Variants in F9 observed in about 807,000 individuals in gnomAD.
F9 encodes Christmas factor.
Under a neutral mutation model 34.1 loss-of-function variants are expected in F9, and 2 were observed. That is an observed-to-expected ratio of 0.06 (90% confidence interval 0.02 to 0.18). The LOEUF (loss-of-function observed/expected upper bound fraction) is 0.18, where lower values mean the gene tolerates loss of function less well. F9 is among the 10% of genes least tolerant of loss of function. The pLI is 1.00. For missense variants in F9, 216 were observed against 345.1 expected, an observed-to-expected ratio of 0.63 and a Z score of 2.96; for synonymous variants, 137 against 118.8, an observed-to-expected ratio of 1.15 and a Z score of -1.00.
At position 139,562,416 on chromosome X, in the gene F9, C is replaced by T. The variant is rs1193134067; in HGVS notation, c.*345C>T. On this transcript the variant is annotated 3_prime_UTR_variant, in exon 8 of 8. Transcript: ENST00000218099. ...CCTCCTTAGCAGCATTCCATCTTCC[C>T]GATCTTCTTTGCTTCTCCAACCAAA... is the stretch of plus-strand genomic sequence containing the variant. The T allele has an allele frequency of 2.5e-5, 6 of 241,755 alleles. No individual in the cohort carries two copies. The highest frequency in any genetic ancestry group is 2.0e-4 in the East Asian group (2 of 9,770). The allele number at this position is 241,755 out of a possible 1,213,427, so 19.9% of individuals were successfully genotyped here.
At chrX:139,557,242 A>T (rs748825528) in intron 6 of F9, among the ~76,000 whole-genome samples, 3 of 111,830 alleles carry the variant, frequency 2.7e-5, no homozygotes, top group Non-Finnish European at 5.6e-5. Flanking sequence ...GTCTTTAAGA[A>T]CTTGTCCTTG....
chrX:139,545,704 AAAGAC>A (rs1402024243), intron 4 of F9, among the ~76,000 whole-genome samples: 2 of 111,525 alleles, frequency 1.8e-5, no homozygotes, highest in Non-Finnish European at 3.8e-5. Flanking sequence ...AATCATTTCA[AAAGAC>A]AAGAGATTTT....
At chrX:139,547,406 C>G (rs1204966282) in intron 4 of F9, 2 of 111,407 alleles carry the variant, frequency 1.8e-5, no homozygotes, top group Non-Finnish European at 3.8e-5. Flanking sequence ...GCAAAAGACA[C>G]TACTTCGACT....
chrX:139,540,729 C>A (rs987610165), intron 3 of F9, among the ~76,000 whole-genome samples: 1 of 111,806 alleles, frequency 8.9e-6, no homozygotes, highest in Non-Finnish European at 1.9e-5. Flanking sequence ...ATTAACTCTG[C>A]CATCATTCTA....
At chrX:139,558,334 C>T (rs1476587613) in intron 6 of F9, among the ~76,000 whole-genome samples, 6 of 113,422 alleles carry the variant, frequency 5.3e-5, no homozygotes, top group African/African-American at 1.9e-4. Context: ...ACCTTGATTG[C>T]CACAGTAGGC....
intron 6 of F9, among the ~76,000 whole-genome samples, chrX:139,559,910 C>T (rs1251785589): frequency 8.9e-6 from 1 of 112,397 alleles, no homozygotes; most frequent in African/African-American, 3.2e-5. Context: ...ACAACTGGAA[C>T]TGAAATCCTC....
At chrX:139,557,039 G>A (rs1424950665) in intron 6 of F9, among the ~76,000 whole-genome samples, 1 of 112,331 alleles carries the variant, frequency 8.9e-6, no homozygotes, top group East Asian at 2.8e-4. Context: ...TCAATGAAGA[G>A]CATAAATTCA....
chrX:139,535,965 C>G (rs1431507820), intron 1 of F9, among the ~76,000 whole-genome samples: 3 of 110,057 alleles, frequency 2.7e-5, no homozygotes, highest in African/African-American at 9.9e-5. Flanking sequence ...TGTGACTGTA[C>G]TGAACACTGT....
In F9 at chrX:139,537,035, C is replaced by T. The variant is rs745353370; in HGVS notation, c.114C>T (p.Asn38=). The change falls in exon 2 of 8, where the codon AAC becomes AAT. Residue 38 remains asparagine (N), a synonymous_variant. Transcript: ENST00000218099. The stretch of plus-strand genomic sequence containing the variant: ...TTTTTCTTGATCATGAAAACGCCAA[C>T]AAAATTCTGAATCGGCCAAAGAGGT... ...CTVFLDHENA[N]KILNRPKRYN... 3.9e-5 allele frequency: 47 copies of T among 1,206,508 alleles called. 1 individual carries two copies. In the South Asian group the frequency reaches 5.9e-4, roughly 15 times the overall value.
At position 139,562,101 on chromosome X, in the gene F9, T is replaced by G; in HGVS notation, c.*30T>G. ...AGATGGATTTCCAAGGTTAATTCAT[T>G]GGAATTGAAAATTAACAGGGCCTCT... On this transcript the variant is annotated 3_prime_UTR_variant, in exon 8 of 8. Coordinates refer to ENST00000218099, the MANE Select transcript of F9 (RefSeq NM_000133.4). 2 of 1,175,127 alleles carry G rather than the reference T, an allele frequency of 1.7e-6. No homozygotes were observed. The highest frequency in any genetic ancestry group is 1.7e-5 in the African/African-American group (1 of 57,212).
At chrX:139,560,961 G>C (rs1046299140) in intron 7 of F9, 106 bp downstream of exon 7, 19 of 669,802 alleles carry the variant, frequency 2.8e-5, no homozygotes, top group Non-Finnish European at 4.3e-5. Flanking sequence ...GAATAAATTG[G>C]GCTAAAGGCA....
At chrX:139,533,583 C>T (rs1762157330) in intron 1 of F9, among the ~76,000 whole-genome samples, 1 of 112,223 alleles carries the variant, frequency 8.9e-6, no homozygotes. Context: ...ACTCATTGTT[C>T]TGTAAACAGT....
At chrX:139,561,168 C>A (rs758053662) in intron 7 of F9, among the ~76,000 whole-genome samples, 1 of 111,620 alleles carries the variant, frequency 9.0e-6, no homozygotes, top group African/African-American at 3.3e-5. Flanking sequence ...CAACCTGTAG[C>A]AGGTCCTCAG....
intron 4 of F9, among the ~76,000 whole-genome samples, chrX:139,546,509 T>C (rs1002941448): frequency 2.7e-5 from 3 of 111,856 alleles, no homozygotes; most frequent in Non-Finnish European, 5.7e-5. Flanking sequence ...CATGAGATTA[T>C]GAAATTGCGG....
rs1241607650 is a variant in F9, at chrX:139,560,884, C to T, written c.838+29C>T. 3 of 977,690 alleles carry T rather than the reference C, an allele frequency of 3.1e-6. No individual in the cohort carries two copies. The Admixed American group carries it at 6.6e-5, about 21-fold the overall frequency. 80.6% of individuals were successfully genotyped at this position (977,690 alleles called of 1,213,427 possible). A position where few individuals can be genotyped will look rare whatever the true frequency, so the allele number is the denominator to read the frequency against. On this transcript the variant is annotated intron_variant, in intron 7 of 7. Coordinates refer to ENST00000218099, the MANE Select transcript of F9 (RefSeq NM_000133.4). ...AATACACAGAAAGAATAATAATCTG[C>T]AGCACCACTAGCTCTTTAATATGAT...
Position 139,563,210 on chromosome X carries a change from T to G in F9, c.*1139T>G, listed in dbSNP as rs940525338. The stretch of plus-strand genomic sequence containing the variant: ...TTCAGAGCCAAGCAAGAAGTTGAAG[T>G]TGCCTAGACCAGAGGACATAAGTAT... On this transcript the variant is annotated 3_prime_UTR_variant, in exon 8 of 8. Coordinates refer to ENST00000218099, the MANE Select transcript of F9 (RefSeq NM_000133.4). 1 of 110,630 alleles carries G rather than the reference T, an allele frequency of 9.0e-6. No individual in the cohort carries two copies. The highest frequency in any genetic ancestry group is 3.3e-5 in the African/African-American group (1 of 30,419). The allele number at this position is 110,630 out of a possible 1,213,427, so 9.1% of individuals were successfully genotyped here. A position where few individuals can be genotyped will look rare whatever the true frequency, so the allele number is the denominator to read the frequency against.
chrX:139,532,252 A>C (rs1032154008), intron 1 of F9, among the ~76,000 whole-genome samples: 4 of 111,715 alleles, frequency 3.6e-5, no homozygotes, highest in Admixed American at 9.5e-5. Context: ...TAAGCCCTTG[A>C]GGAAGGGGCC....
chrX:139,550,495 G>T (rs1042507444), intron 5 of F9, among the ~76,000 whole-genome samples: 4 of 111,767 alleles, frequency 3.6e-5, no homozygotes, highest in African/African-American at 1.3e-4. Flanking sequence ...TGGTGAATAT[G>T]GCTGTGATAA....
intron 6 of F9, among the ~76,000 whole-genome samples, chrX:139,551,834 G>C (rs748443172): frequency 9.0e-6 from 1 of 111,233 alleles, no homozygotes; most frequent in African/African-American, 3.3e-5. Flanking sequence ...GAATATCTAG[G>C]GGGTGGGGCC....
Sources: gnomAD v4.1 joint callset for allele counts (sites outside exome capture counted in the v4.1 genomes callset) on GRCh38, gnomAD v4.1.1 for gene constraint, MANE v1.5 for transcripts, NCBI Gene and HGNC (gene_info 2026-07-23, HGNC 2026-07-21) for gene names.